Variants in TAF4B observed in about 807,000 individuals in gnomAD.
TAF4B encodes TATA-box binding protein associated factor 4b, also known as transcription initiation factor TFIID subunit 4B.
Under a neutral mutation model 86.4 loss-of-function variants are expected in TAF4B, and 38 were observed. The observed-to-expected ratio is 0.44, with a 90% CI of 0.34 to 0.58. TAF4B has a LOEUF of 0.58. TAF4B is among the 20% of genes least tolerant of loss of function. The pLI, the probability that TAF4B is intolerant of heterozygous loss-of-function variation, is 0.02. For missense variants in TAF4B, 988 were observed against 1,027.6 expected, an observed-to-expected ratio of 0.96 and a Z score of 0.53; for synonymous variants, 388 against 391.2, an observed-to-expected ratio of 0.99 and a Z score of 0.10.
intron 14 of TAF4B, among the ~76,000 whole-genome samples, chr18:26,361,700 G>A (rs1298045588): frequency 6.9e-6 from 1 of 145,878 alleles, no homozygotes; most frequent in African/African-American, 2.5e-5. Flanking sequence ...AGCCGAGATC[G>A]CGCCACTCCC....
Position 26,281,980 on chromosome 18 carries a change from A to C in TAF4B, c.892A>C (p.Ile298Leu). Reference protein sequence around the residue: ...KLVEQLLDAKIEAEEFTRKLY... With the variant: ...KLVEQLLDAKLEAEEFTRKLY... ...TTCTCCCATCCCTCAGGATGCAAAA[A>C]TCGAAGCAGAAGAATTTACTAGGAA... The change falls in exon 6 of 15, where the codon ATC becomes CTC. Residue 298 changes from isoleucine to leucine, a missense_variant. Around this residue, in one of 3 missense-constraint regions of TAF4B, gnomAD observed 747 missense variants for 737.9 expected, o/e 1.01. Transcript: ENST00000269142. 1.2e-6 allele frequency: 2 copies of C among 1,612,724 alleles called. No homozygotes were observed. Among genetic ancestry groups the C allele is most frequent in the South Asian group, 2.2e-5 (2 of 90,804 alleles).
At chr18:26,372,905 C>T (rs1296452104) in intron 14 of TAF4B, among the ~76,000 whole-genome samples, 1 of 149,192 alleles carries the variant, frequency 6.7e-6, no homozygotes, top group African/African-American at 2.5e-5. Context: ...GGAGGCGGAG[C>T]TTGCAGTGAG....
In TAF4B at chr18:26,256,343, G is replaced by A. The variant is rs2056084102; in HGVS notation, c.344-8827G>A. 14 of 1,444,336 alleles carry A rather than the reference G, an allele frequency of 9.7e-6. No homozygotes were observed. The South Asian group carries it at 1.5e-4, about 15-fold the overall frequency. The allele number at this position is 1,444,336 out of a possible 1,614,324, so 89.5% of individuals were successfully genotyped here. On this transcript the variant is annotated intron_variant, in intron 1 of 14. Transcript: ENST00000269142. ...CTATACTTCGGTACATCTTTGGCGT[G>A]TGAAAACCAAACATCTTTTCTTCTG...
At chr18:26,363,370 CAAAAAAAAAAAAA>C (rs58802058) in intron 14 of TAF4B, among the ~76,000 whole-genome samples, 3 of 35,074 alleles carry the variant, frequency 8.6e-5, no homozygotes, top group African/African-American at 2.8e-4. Flanking sequence ...CTGTCTCTAC[CAAAAAAAAAAAAA>C]AAAAAAAAAA....
chr18:26,246,984 G>T (rs1049014460), intron 1 of TAF4B, among the ~76,000 whole-genome samples: 14 of 152,086 alleles, frequency 9.2e-5, no homozygotes, highest in African/African-American at 3.1e-4. Context: ...TCCTGCCTCA[G>T]CCTCCCGAGT....
chr18:26,346,857 A>G (rs371154783), intron 13 of TAF4B, among the ~76,000 whole-genome samples: 1,760 of 9,670 alleles, frequency 0.18, 405 homozygotes, highest in African/African-American at 0.33. Flanking sequence ...ATATATATAT[A>G]TGTGTATATA....
chr18:26,261,742 C>T (rs2056170807), intron 1 of TAF4B, among the ~76,000 whole-genome samples: 2 of 152,156 alleles, frequency 1.3e-5, no homozygotes, highest in Admixed American at 6.5e-5. Flanking sequence ...GAGGACCCTT[C>T]TTAGTTGTCT....
At chr18:26,234,383 C>T (rs983521485) in intron 1 of TAF4B, among the ~76,000 whole-genome samples, 2 of 152,222 alleles carry the variant, frequency 1.3e-5, no homozygotes, top group Non-Finnish European at 2.9e-5. Context: ...AATGGGGGTT[C>T]TCCCAGAGGT....
Position 26,383,166 on chromosome 18 carries a change from T to G in TAF4B, c.2422-6679T>G, listed in dbSNP as rs1978300539. On this transcript the variant is annotated intron_variant, in intron 14 of 14. Coordinates refer to ENST00000269142, the MANE Select transcript of TAF4B (RefSeq NM_005640.3). ...CATGGATGGCCATATATGTCATGCTTAGATGTTTAGACTTGGTTCTTATAG... is the reference window on the plus strand; with the variant it reads ...CATGGATGGCCATATATGTCATGCTGAGATGTTTAGACTTGGTTCTTATAG... Among the ~76,000 whole-genome samples the G allele has an allele frequency of 3.3e-5, 5 of 152,240 alleles. No individual in the cohort carries two copies. In the South Asian group the frequency reaches 1.0e-3, roughly 31 times the overall value.
At chr18:26,246,700 A>C (rs527626605) in intron 1 of TAF4B, among the ~76,000 whole-genome samples, 6 of 151,592 alleles carry the variant, frequency 4.0e-5, no homozygotes, top group African/African-American at 1.5e-4. Flanking sequence ...CACCTGGCTA[A>C]TTTTTTATTT....
At chr18:26,272,780 A>T (rs2056337334) in intron 3 of TAF4B, among the ~76,000 whole-genome samples, 1 of 152,202 alleles carries the variant, frequency 6.6e-6, no homozygotes, top group African/African-American at 2.4e-5. Context: ...AAAACTAAAA[A>T]TTTATTAGAA....
intron 6 of TAF4B, among the ~76,000 whole-genome samples, chr18:26,283,640 A>C (rs2056476121): frequency 6.6e-6 from 1 of 152,190 alleles, no homozygotes; most frequent in Non-Finnish European, 1.5e-5. Flanking sequence ...ATTAGCCCCT[A>C]ACAAGAAAGT....
chr18:26,362,591 A>G (rs12962637), intron 14 of TAF4B, among the ~76,000 whole-genome samples: 33,466 of 152,146 alleles, frequency 0.22, 4,348 homozygotes, highest in Non-Finnish European at 0.3. Context: ...TTTGTGTTCA[A>G]AACAATGATA....
intron 14 of TAF4B, among the ~76,000 whole-genome samples, chr18:26,367,981 C>A (rs1037723232): frequency 6.6e-6 from 1 of 152,146 alleles, no homozygotes; most frequent in African/African-American, 2.4e-5. Context: ...TTTGTCACTG[C>A]AATTTTTTAT....
At chr18:26,274,420 A>G (rs1568120251) in intron 3 of TAF4B, among the ~76,000 whole-genome samples, 1 of 152,232 alleles carries the variant, frequency 6.6e-6, no homozygotes, top group Admixed American at 6.5e-5. Context: ...GATTAGCAAG[A>G]TTAAGTAACT....
chr18:26,265,883 ATAAT>A (rs1568114502), intron 2 of TAF4B: 1 of 151,900 alleles, frequency 6.6e-6, no homozygotes, highest in Non-Finnish European at 1.5e-5. Context: ...AAAGAATATA[ATAAT>A]TCTGCCTCCC....
chr18:26,229,850 C>T (rs1331384059), intron 1 of TAF4B, among the ~76,000 whole-genome samples: 1 of 152,006 alleles, frequency 6.6e-6, no homozygotes, highest in South Asian at 2.1e-4. Flanking sequence ...CACTTGATTA[C>T]ACAAGGGTGC....
At chr18:26,361,544 G>A (rs541131421) in intron 14 of TAF4B, among the ~76,000 whole-genome samples, 43 of 151,680 alleles carry the variant, frequency 2.8e-4, no homozygotes, top group Non-Finnish European at 4.6e-4. Context: ...TCAGGAGTTC[G>A]AGACCAGCCT....
At chr18:26,339,108 T>C (rs1371545783) in intron 13 of TAF4B, among the ~76,000 whole-genome samples, 1 of 152,208 alleles carries the variant, frequency 6.6e-6, no homozygotes, top group Non-Finnish European at 1.5e-5. Context: ...AACGTTTTAT[T>C]TTCAACTTAC....
Sources: gnomAD v4.1 joint callset for allele counts (sites outside exome capture counted in the v4.1 genomes callset) on GRCh38, gnomAD v4.1.1 for gene constraint, gnomAD v4.1.1 regional missense constraint, MANE v1.5 for transcripts, NCBI Gene and HGNC (gene_info 2026-07-23, HGNC 2026-07-21) for gene names.